Variants in GRIA3 observed in about 807,000 individuals in gnomAD.
GRIA3 encodes glutamate receptor 3.
A neutral mutation model predicts 63.0 loss-of-function variants in GRIA3; 3 were observed. The observed-to-expected ratio is 0.05, with a 90% confidence interval of 0.02 to 0.12. GRIA3 has a LOEUF of 0.12. Among genes scored for constraint, GRIA3 ranks in the 10% least tolerant of loss-of-function variants. The probability of loss-of-function intolerance (pLI) is 1.00; values close to 1 mark genes in which losing one functional copy is unlikely to be tolerated. For synonymous variants in GRIA3, 274 were observed against 257.9 expected (o/e 1.06, Z -0.60); for missense variants, 347 against 700.9 (o/e 0.50, Z 5.70).
At chrX:123,246,900 A>C (rs935122808) in intron 2 of GRIA3, among the ~76,000 whole-genome samples, 17 of 108,958 alleles carry the variant, frequency 1.6e-4, no homozygotes, top group African/African-American at 5.3e-4. Flanking sequence ...AAAAACCACG[A>C]GTTGTCTACC....
intron 2 of GRIA3, among the ~76,000 whole-genome samples, chrX:123,229,216 G>T (rs756827345): frequency 9.0e-6 from 1 of 111,204 alleles, no homozygotes; most frequent in East Asian, 2.9e-4. Flanking sequence ...CTACAATTCA[G>T]GTCCTGACTC....
At chrX:123,268,316 C>A (rs1031041127) in intron 3 of GRIA3, among the ~76,000 whole-genome samples, 4 of 110,634 alleles carry the variant, frequency 3.6e-5, no homozygotes, top group African/African-American at 1.3e-4. Flanking sequence ...CTCTTTTTCT[C>A]TTGGAAAGCT....
intron 12 of GRIA3, among the ~76,000 whole-genome samples, chrX:123,462,847 A>G (rs566446): frequency 0.17 from 19,099 of 111,340 alleles, 3,324 homozygotes; most frequent in African/African-American, 0.54. Context: ...ATGCTATCTC[A>G]ACCTCTGGTC....
chrX:123,472,342 C>T (rs1358236285), intron 13 of GRIA3, among the ~76,000 whole-genome samples: 3 of 109,117 alleles, frequency 2.7e-5, no homozygotes, highest in South Asian at 4.0e-4. Flanking sequence ...TTTCTGGTAC[C>T]GATCTGTTTC....
At chrX:123,287,905 G>T (rs2044630869) in intron 3 of GRIA3, among the ~76,000 whole-genome samples, 1 of 111,687 alleles carries the variant, frequency 9.0e-6, no homozygotes, top group Admixed American at 9.5e-5. Flanking sequence ...CACAGAATTA[G>T]AAAAAACTAC....
At chrX:123,368,831 C>G (rs941760615) in intron 5 of GRIA3, among the ~76,000 whole-genome samples, 5 of 109,998 alleles carry the variant, frequency 4.5e-5, no homozygotes, top group African/African-American at 1.7e-4. Flanking sequence ...AATAATTTAG[C>G]TAATCATTTA....
chrX:123,252,980 C>G (rs887261513), intron 2 of GRIA3, among the ~76,000 whole-genome samples: 1 of 111,784 alleles, frequency 8.9e-6, no homozygotes. Context: ...GGCCCCTGGG[C>G]AGCTAAAGTG....
At chrX:123,257,043 GA>G (rs1462338673) in intron 3 of GRIA3, among the ~76,000 whole-genome samples, 2 of 111,412 alleles carry the variant, frequency 1.8e-5, no homozygotes, top group Non-Finnish European at 3.8e-5. Flanking sequence ...GAGGTGACTG[GA>G]CAGGAGGAGA....
chrX:123,287,221 A>G (rs2044625870), intron 3 of GRIA3, among the ~76,000 whole-genome samples: 1 of 111,791 alleles, frequency 8.9e-6, no homozygotes, highest in African/African-American at 3.3e-5. Context: ...GCACCCCTCC[A>G]TGCTAAAAAC....
At chrX:123,242,398 A>AT (rs1314782003) in intron 2 of GRIA3, among the ~76,000 whole-genome samples, 1 of 112,132 alleles carries the variant, frequency 8.9e-6, no homozygotes, top group African/African-American at 3.2e-5. Context: ...CAAAGACATC[A>AT]TAAGAGTTCA....
intron 2 of GRIA3, among the ~76,000 whole-genome samples, chrX:123,214,819 A>T (rs1017402656): frequency 5.3e-5 from 6 of 112,196 alleles, no homozygotes; most frequent in African/African-American, 1.9e-4. Flanking sequence ...ATACACTTTG[A>T]GAATGTGCTG....
intron 2 of GRIA3, among the ~76,000 whole-genome samples, chrX:123,187,613 CA>C (rs1209750453): frequency 3.6e-5 from 4 of 112,078 alleles, no homozygotes; most frequent in African/African-American, 1.3e-4. Context: ...AAACTAAATA[CA>C]TTAAACTACC....
intron 4 of GRIA3, among the ~76,000 whole-genome samples, chrX:123,330,565 TG>T (rs1354397417): frequency 8.9e-6 from 1 of 111,876 alleles, no homozygotes; most frequent in Admixed American, 9.5e-5. Context: ...TGTTAGAAAA[TG>T]GGGCCTGTGA....
intron 2 of GRIA3, among the ~76,000 whole-genome samples, chrX:123,210,161 GT>G (rs1247937414): frequency 1.0e-5 from 1 of 96,141 alleles, no homozygotes; most frequent in Non-Finnish European, 2.0e-5. Context: ...AAAAAAAAAA[GT>G]TTCAACCTGC....
chrX:123,403,209 G>T lies in GRIA3; in HGVS notation c.1185+111G>T, dbSNP rs181424666. On this transcript the variant is annotated intron_variant, in intron 8 of 15. Coordinates refer to ENST00000620443, the MANE Select transcript of GRIA3 (RefSeq NM_007325.5). ...ACAAAATATCAGTAAGGATGAGTGG[G>T]AGATGGGAACCTCCAGGATGAAGGA... 2.3e-3 allele frequency: 1,387 copies of T among 599,256 alleles called. 4 individuals are homozygous for T. The highest frequency in any genetic ancestry group is 0.015 in the Middle Eastern group (31 of 2,043). 49.4% of individuals were successfully genotyped at this position (599,256 alleles called of 1,213,427 possible).
At chrX:123,235,928 A>G (rs1285976531) in intron 2 of GRIA3, among the ~76,000 whole-genome samples, 2 of 111,135 alleles carry the variant, frequency 1.8e-5, no homozygotes, top group Non-Finnish European at 3.8e-5. Context: ...AACTATCTAG[A>G]GGTCATCTCT....
chrX:123,345,439 AACACACACACACACACACACACAC>A (rs59142587), intron 4 of GRIA3, among the ~76,000 whole-genome samples: 10 of 65,905 alleles, frequency 1.5e-4, no homozygotes, highest in Non-Finnish European at 2.4e-4. Flanking sequence ...CCCCCTTCAC[AACACACACACACACACACACACAC>A]ACACACACAC....
In GRIA3 at chrX:123,415,946, A is replaced by T. The variant is rs1603143054; in HGVS notation, c.1501-1456A>T. Among the ~76,000 whole-genome samples, 3 of 111,793 alleles carry T rather than the reference A, an allele frequency of 2.7e-5. No individual in the cohort carries two copies. In the East Asian group the frequency reaches 8.5e-4, roughly 32 times the overall value. On this transcript the variant is annotated intron_variant, in intron 10 of 15. Transcript: ENST00000620443. ...CATATAAAAGTAGTGTATAGTAGAA[A>T]CCTGCAAGTATCTATGGAGTTAGAA... is the stretch of plus-strand genomic sequence containing the variant.
intron 12 of GRIA3, among the ~76,000 whole-genome samples, chrX:123,447,872 T>A (rs1385766218): frequency 8.9e-6 from 1 of 112,152 alleles, no homozygotes; most frequent in African/African-American, 3.2e-5. Flanking sequence ...ATTCAACCCA[T>A]CTCTCAGAGC....
Sources: allele counts gnomAD v4.1 joint callset (sites outside exome capture counted in the v4.1 genomes callset), GRCh38; gene constraint gnomAD v4.1.1; transcripts MANE v1.5; gene names NCBI Gene and HGNC (gene_info 2026-07-23, HGNC 2026-07-21).